Variants in LRMDA observed in about 807,000 individuals in gnomAD.
LRMDA encodes leucine rich melanocyte differentiation associated.
LRMDA carries 18 observed loss-of-function variants against 29.8 expected under a neutral mutation model. That is an observed-to-expected ratio of 0.60 (90% CI 0.42 to 0.90). The LOEUF (loss-of-function observed/expected upper bound fraction) is 0.90. Ranked by LOEUF, LRMDA falls within the 40% of genes least tolerant of loss-of-function variation. The probability of loss-of-function intolerance (pLI) is 0.00; values close to 1 mark genes in which losing one functional copy is unlikely to be tolerated. For synonymous variants in LRMDA, 125 were observed against 109.4 expected (o/e 1.14, Z -0.89); for missense variants, 273 against 273.9 (o/e 1.00, Z 0.02).
chr10:76,013,799 G>A (rs1237233404), intron 2 of LRMDA, among the ~76,000 whole-genome samples: 1 of 151,834 alleles, frequency 6.6e-6, no homozygotes, highest in Non-Finnish European at 1.5e-5. Flanking sequence ...CTGGGGCAAG[G>A]GCTGTTAGCA....
At chr10:76,260,527 A>G (rs978147170) in intron 5 of LRMDA, among the ~76,000 whole-genome samples, 4 of 152,098 alleles carry the variant, frequency 2.6e-5, no homozygotes, top group African/African-American at 7.2e-5. Context: ...CTCTTGGCCT[A>G]TAAGGTTTCT....
intron 2 of LRMDA, among the ~76,000 whole-genome samples, chr10:75,870,386 G>A (rs1456667982): frequency 6.6e-6 from 1 of 152,184 alleles, no homozygotes; most frequent in Non-Finnish European, 1.5e-5. Context: ...AGAAACATGT[G>A]TTATGTACGA....
At chr10:75,692,564 CGTGTGTGTGTGTGTGT>C (rs10553888) in intron 2 of LRMDA, among the ~76,000 whole-genome samples, 202 of 140,262 alleles carry the variant, frequency 1.4e-3, no homozygotes, top group African/African-American at 3.1e-3. Flanking sequence ...CATATGTATA[CGTGTGTGTGTGTGTGT>C]GTGTGTGTGT....
chr10:75,543,122 A>AG (rs1241275928), intron 2 of LRMDA, among the ~76,000 whole-genome samples: 3 of 152,190 alleles, frequency 2.0e-5, no homozygotes, highest in African/African-American at 7.2e-5. Flanking sequence ...TTGCAAGCAG[A>AG]GGCTGCCTCT....
At chr10:75,838,014 A>G (rs1379328570) in intron 2 of LRMDA, among the ~76,000 whole-genome samples, 2 of 152,198 alleles carry the variant, frequency 1.3e-5, no homozygotes, top group Non-Finnish European at 2.9e-5. Context: ...TGTATTTTCA[A>G]TTCAGTAAAT....
rs552093043 is a variant in LRMDA at position 76,103,048 on chromosome 10, C to A, written c.516+44265C>A. On this transcript the variant is annotated intron_variant, in intron 5 of 6. Transcript: ENST00000611255. ...ATTCTACGTTTAATGTTTTAAGGAA[C>A]CTACTATCTCCTTTGACTATAATTT... is the stretch of plus-strand genomic sequence containing the variant. 2.6e-5 allele frequency among the ~76,000 whole-genome samples: 4 copies of A among 152,236 alleles called. No individual in the cohort carries two copies. In the East Asian group the frequency reaches 5.8e-4, roughly 22 times the overall value.
intron 5 of LRMDA, among the ~76,000 whole-genome samples, chr10:76,179,245 G>T (rs536286296): frequency 1.4e-4 from 21 of 152,114 alleles, no homozygotes; most frequent in African/African-American, 4.6e-4. Flanking sequence ...GGAGGGGGGG[G>T]TGGTGGAGGA....
chr10:75,889,574 A>G lies in LRMDA; in HGVS notation c.132-146434A>G, dbSNP rs142964236. On this transcript the variant is annotated intron_variant, in intron 2 of 6. Transcript: ENST00000611255. ...ATGCTTAAAGATGGAGGTAACTGTG[A>G]GCAGCAAGAATGGTGAGATTGGGTG... 1.2e-4 allele frequency among the ~76,000 whole-genome samples: 19 copies of G among 152,352 alleles called. No homozygotes were observed. In the South Asian group the frequency reaches 2.5e-3, roughly 20 times the overall value.
Position 75,462,091 on chromosome 10 carries a change from T to C in LRMDA, c.131+23597T>C, listed in dbSNP as rs185508736. On this transcript the variant is annotated intron_variant, in intron 2 of 6. Transcript: ENST00000611255. ...GCTGTCAGAATGAGATGTTAGGAGC[T>C]TGATGAAAAGCGAACAAAGAAGACA... 6.9e-4 allele frequency among the ~76,000 whole-genome samples: 105 copies of C among 152,362 alleles called. 2 individuals are homozygous for C. In the East Asian group the frequency reaches 0.017, roughly 24 times the overall value.
intron 2 of LRMDA, among the ~76,000 whole-genome samples, chr10:75,523,073 C>A (rs1337413990): frequency 6.6e-6 from 1 of 152,238 alleles, no homozygotes; most frequent in African/African-American, 2.4e-5. Flanking sequence ...ACTTCAGTTT[C>A]CTCACTTGTA....
At chr10:76,431,583 C>T (rs983592486) in intron 6 of LRMDA, among the ~76,000 whole-genome samples, 1 of 152,158 alleles carries the variant, frequency 6.6e-6, no homozygotes, top group Non-Finnish European at 1.5e-5. Context: ...ATGTAACATC[C>T]TCATAATAAC....
chr10:76,045,450 C>G (rs1253564168), intron 3 of LRMDA, among the ~76,000 whole-genome samples: 1 of 151,230 alleles, frequency 6.6e-6, no homozygotes, highest in East Asian at 2.0e-4. Context: ...GGTTAGTTTC[C>G]TCCTCTTGCT....
intron 2 of LRMDA, among the ~76,000 whole-genome samples, chr10:75,502,721 C>A (rs1157983822): frequency 6.6e-6 from 1 of 152,132 alleles, no homozygotes; most frequent in Non-Finnish European, 1.5e-5. Flanking sequence ...AGTGGGTACA[C>A]ACTTCTTTCT....
At chr10:75,586,341 C>T (rs79486124) in intron 2 of LRMDA, among the ~76,000 whole-genome samples, 7,333 of 78,316 alleles carry the variant, frequency 0.094, 274 homozygotes, top group Middle Eastern at 0.16. Flanking sequence ...TTCACCAACA[C>T]GTCTTTTTTT....
chr10:75,920,353 A>T (rs371941186), intron 2 of LRMDA, among the ~76,000 whole-genome samples: 1 of 152,194 alleles, frequency 6.6e-6, no homozygotes, highest in Non-Finnish European at 1.5e-5. Flanking sequence ...TGAGCACTTC[A>T]TAAGCATCCT....
At chr10:76,140,473 C>A (rs78846613) in intron 5 of LRMDA, among the ~76,000 whole-genome samples, 3,217 of 152,208 alleles carry the variant, frequency 0.021, 50 homozygotes, top group Non-Finnish European at 0.032. Flanking sequence ...GGTATTTAAG[C>A]CTGAACTCAA....
intron 2 of LRMDA, among the ~76,000 whole-genome samples, chr10:75,916,466 C>A (rs1845937270): frequency 6.6e-6 from 1 of 152,102 alleles, no homozygotes; most frequent in Non-Finnish European, 1.5e-5. Context: ...CCCAGGAGGT[C>A]ACCTCGTTTC....
intron 2 of LRMDA, among the ~76,000 whole-genome samples, chr10:75,849,777 G>T (rs1844700750): frequency 6.6e-6 from 1 of 152,218 alleles, no homozygotes; most frequent in South Asian, 2.1e-4. Context: ...ATTTAAAAAA[G>T]CCCTAAGTAG....
intron 6 of LRMDA, among the ~76,000 whole-genome samples, chr10:76,394,531 T>A (rs1841760237): frequency 6.6e-6 from 1 of 152,168 alleles, no homozygotes; most frequent in Non-Finnish European, 1.5e-5. Context: ...TTGTTGACTC[T>A]GGGGTTACAC....
Sources: allele counts gnomAD v4.1 joint callset (sites outside exome capture counted in the v4.1 genomes callset), GRCh38; gene constraint gnomAD v4.1.1; transcripts MANE v1.5; gene names NCBI Gene and HGNC (gene_info 2026-07-23, HGNC 2026-07-21).